Variants in KRT80 observed in about 807,000 individuals in gnomAD.
KRT80 encodes the protein keratin 80.
A neutral mutation model predicts 51.5 loss-of-function variants in KRT80; 36 were observed. The ratio of observed to expected loss-of-function variants is 0.70; its 90% CI spans 0.54 to 0.92. The LOEUF is 0.92. KRT80 is among the 40% of genes least tolerant of loss of function. KRT80 has a pLI of 0.00. For synonymous variants in KRT80, 235 were observed against 248.3 expected, an observed-to-expected ratio of 0.95 and a Z score of 0.50; for missense variants, 566 against 591.7, an observed-to-expected ratio of 0.96 and a Z score of 0.45.
chr12:52,184,515 A>ATT (rs1158600294), intron 2 of KRT80, among the ~76,000 whole-genome samples: 5 of 152,214 alleles, frequency 3.3e-5, no homozygotes, highest in African/African-American at 1.2e-4. Flanking sequence ...AAAAGCTGCC[A>ATT]TTTATAACTG....
intron 1 of KRT80, among the ~76,000 whole-genome samples, chr12:52,186,652 G>C (rs1230224914): frequency 6.6e-6 from 1 of 152,220 alleles, no homozygotes; most frequent in Non-Finnish European, 1.5e-5. Context: ...TGCGTCCTGT[G>C]TGTTGCTGGT....
intron 5 of KRT80, 56 bp downstream of exon 5, chr12:52,173,544 C>T (rs1188367660): frequency 6.3e-7 from 1 of 1,575,604 alleles, no homozygotes; most frequent in Non-Finnish European, 8.6e-7. Context: ...CCAGCCCTTC[C>T]TGCCACCCAG....
chr12:52,184,177 T>G (rs1941366263), intron 2 of KRT80, among the ~76,000 whole-genome samples: 1 of 152,198 alleles, frequency 6.6e-6, no homozygotes, highest in African/African-American at 2.4e-5. Flanking sequence ...GTTGTGGGTC[T>G]CACCTCAGAT....
At chr12:52,189,033 G>A (rs1941444671) in intron 1 of KRT80, among the ~76,000 whole-genome samples, 1 of 152,102 alleles carries the variant, frequency 6.6e-6, no homozygotes, top group South Asian at 2.1e-4. Flanking sequence ...CCAGGAAAAC[G>A]CAGCCAGCAA....
rs201003340 is a variant in KRT80 at position 52,191,581 on chromosome 12, G to T, written c.300+22C>A. 5.8e-6 allele frequency: 9 copies of T among 1,541,256 alleles called. No homozygotes were observed. In the East Asian group the frequency reaches 6.8e-5, roughly 12 times the overall value. Reference sequence around the variant, plus strand: ...CCAGGCCTGGCAGCCCTTCATGTTTGGGACCCCCTACTTGTGCTCACCTTG... The same window carrying T: ...CCAGGCCTGGCAGCCCTTCATGTTTTGGACCCCCTACTTGTGCTCACCTTG... On this transcript the variant is annotated intron_variant, in intron 1 of 8. Transcript: ENST00000394815.
chr12:52,170,600 CT>C lies in KRT80; in HGVS notation c.*797del, dbSNP rs1941072017. 6.6e-6 allele frequency: 1 copy of C among 152,226 alleles called. No individual in the cohort carries two copies. The highest frequency in any genetic ancestry group is 1.5e-5 in the Non-Finnish European group (1 of 68,036). 9.4% of individuals were successfully genotyped at this position (152,226 alleles called of 1,614,324 possible). On this transcript the variant is annotated 3_prime_UTR_variant, in exon 9 of 9. Coordinates refer to ENST00000394815, the MANE Select transcript of KRT80 (RefSeq NM_182507.3). ...GAGGTGAAAGGAAGATCGAATGCTC[CT>C]GCCCAATCTCAAGCTGCCATCTGGC...
At chr12:52,183,045 G>A (rs902911462) in intron 2 of KRT80, among the ~76,000 whole-genome samples, 1 of 152,210 alleles carries the variant, frequency 6.6e-6, no homozygotes, top group Non-Finnish European at 1.5e-5. Flanking sequence ...TCCACCGCCT[G>A]AATCATGCAC....
At chr12:52,178,202 G>A (rs192925031) in intron 4 of KRT80, among the ~76,000 whole-genome samples, 1 of 152,196 alleles carries the variant, frequency 6.6e-6, no homozygotes, top group African/African-American at 2.4e-5. Flanking sequence ...TGCCTCCATC[G>A]CAAGCCCTTC....
chr12:52,190,313 A>G (rs1043772520), intron 1 of KRT80, among the ~76,000 whole-genome samples: 5 of 152,224 alleles, frequency 3.3e-5, no homozygotes, highest in Non-Finnish European at 7.3e-5. Flanking sequence ...GATCTTGGGC[A>G]AGGCACTTAG....
chr12:52,176,593 T>C (rs1423614006), intron 4 of KRT80, among the ~76,000 whole-genome samples: 1 of 151,968 alleles, frequency 6.6e-6, no homozygotes, highest in Non-Finnish European at 1.5e-5. Context: ...GCAATTCTCC[T>C]GCCTCAGCCT....
intron 2 of KRT80, among the ~76,000 whole-genome samples, chr12:52,181,741 G>A (rs1262202167): frequency 6.6e-6 from 1 of 152,094 alleles, no homozygotes; most frequent in Non-Finnish European, 1.5e-5. Context: ...TGGGTGGGGA[G>A]GACAGGACCC....
chr12:52,187,618 C>A (rs898684372), intron 1 of KRT80, among the ~76,000 whole-genome samples: 1 of 152,176 alleles, frequency 6.6e-6, no homozygotes, highest in Non-Finnish European at 1.5e-5. Flanking sequence ...ACGGTATTTG[C>A]GGGCTGCCAT....
chr12:52,175,949 T>G (rs112874305), intron 4 of KRT80, among the ~76,000 whole-genome samples: 2 of 152,236 alleles, frequency 1.3e-5, no homozygotes, highest in Non-Finnish European at 2.9e-5. Flanking sequence ...GGTTGACACA[T>G]TGTGGGCATC....
intron 1 of KRT80, among the ~76,000 whole-genome samples, chr12:52,186,111 C>A (rs547104473): frequency 3.9e-5 from 6 of 152,004 alleles, no homozygotes; most frequent in Non-Finnish European, 8.8e-5. Context: ...AATGATAACA[C>A]CTGCCTGCGC....
At chr12:52,190,486 G>A (rs1941463592) in intron 1 of KRT80, among the ~76,000 whole-genome samples, 1 of 152,226 alleles carries the variant, frequency 6.6e-6, no homozygotes. Context: ...GCCCCTCTCT[G>A]TGAGCTCCCA....
chr12:52,183,136 C>G (rs777845238), intron 2 of KRT80, among the ~76,000 whole-genome samples: 1 of 152,188 alleles, frequency 6.6e-6, no homozygotes, highest in Non-Finnish European at 1.5e-5. Context: ...AGTTGCTTCC[C>G]CTTGCTGGGC....
At chr12:52,189,337 G>A (rs1222213954) in intron 1 of KRT80, among the ~76,000 whole-genome samples, 1 of 152,188 alleles carries the variant, frequency 6.6e-6, no homozygotes, top group Non-Finnish European at 1.5e-5. Flanking sequence ...GGCTAACTGG[G>A]TTCTAGCTGC....
intron 1 of KRT80, among the ~76,000 whole-genome samples, chr12:52,188,767 C>T (rs193032462): frequency 6.6e-6 from 1 of 152,344 alleles, no homozygotes; most frequent in East Asian, 1.9e-4. Flanking sequence ...CTCAGGCAGT[C>T]CTGCCTCTTG....
intron 1 of KRT80, 100 bp from the exon 2 acceptor site, chr12:52,185,687 G>T (rs1346689409): frequency 1.3e-6 from 2 of 1,538,262 alleles, no homozygotes; most frequent in Non-Finnish European, 8.7e-7. Flanking sequence ...TCCCTGGGAA[G>T]TGGCAGCTCA....
Sources: allele counts gnomAD v4.1 joint callset (sites outside exome capture counted in the v4.1 genomes callset), GRCh38; gene constraint gnomAD v4.1.1; transcripts MANE v1.5; gene names NCBI Gene and HGNC (gene_info 2026-07-23, HGNC 2026-07-21).